SLC35F1: variants seen among roughly 807,000 people sequenced by gnomAD.
The protein encoded by SLC35F1 is solute carrier family 35 member F1, also known as chromosome 6 open reading frame 169.
A neutral mutation model predicts 48.7 loss-of-function variants in SLC35F1; 14 were observed. That is an observed-to-expected ratio of 0.29 (90% CI 0.19 to 0.45). The LOEUF (loss-of-function observed/expected upper bound fraction) is 0.45, where lower values mean the gene tolerates loss of function less well. Ranked by LOEUF, SLC35F1 falls within the 20% of genes least tolerant of loss-of-function variation. The pLI is 1.00. For synonymous variants in SLC35F1, 190 were observed against 202.2 expected (o/e 0.94, Z 0.51); for missense variants, 404 against 500.0 (o/e 0.81, Z 1.83).
At chr6:118,302,921 A>G (rs1197300789) in intron 7 of SLC35F1, among the ~76,000 whole-genome samples, 1 of 151,540 alleles carries the variant, frequency 6.6e-6, no homozygotes, top group Non-Finnish European at 1.5e-5. Flanking sequence ...AAAGGTGAAT[A>G]TTGAAGGCTA....
chr6:118,079,068 T>A (rs1351296032), intron 1 of SLC35F1, among the ~76,000 whole-genome samples: 3 of 152,128 alleles, frequency 2.0e-5, no homozygotes, highest in African/African-American at 7.2e-5. Context: ...TTGTATACAA[T>A]TTTTTTGTGT....
At chr6:117,943,816 A>T (rs1776262241) in intron 1 of SLC35F1, among the ~76,000 whole-genome samples, 1 of 152,180 alleles carries the variant, frequency 6.6e-6, no homozygotes, top group African/African-American at 2.4e-5. Flanking sequence ...AAAGCTTTAC[A>T]TCACTTTTTA....
intron 1 of SLC35F1, among the ~76,000 whole-genome samples, chr6:118,102,928 G>T (rs554894794): frequency 6.6e-6 from 1 of 152,182 alleles, no homozygotes; most frequent in Non-Finnish European, 1.5e-5. Flanking sequence ...ATCTAGATTT[G>T]CACCCGTGTT....
At chr6:118,112,923 G>A (rs9320641) in intron 1 of SLC35F1, among the ~76,000 whole-genome samples, 31,208 of 151,864 alleles carry the variant, frequency 0.21, 3,405 homozygotes, top group East Asian at 0.33. Context: ...ATTAAAAGAT[G>A]GAGACTGTCA....
At chr6:118,186,897 G>C (rs1365429199) in intron 2 of SLC35F1, among the ~76,000 whole-genome samples, 1 of 152,092 alleles carries the variant, frequency 6.6e-6, no homozygotes, top group African/African-American at 2.4e-5. Flanking sequence ...AGCTTCCCAG[G>C]GTTTTGGGTT....
intron 1 of SLC35F1, among the ~76,000 whole-genome samples, chr6:118,135,033 C>T (rs529269937): frequency 6.6e-6 from 1 of 152,284 alleles, no homozygotes; most frequent in East Asian, 1.9e-4. Flanking sequence ...AAACAGAATT[C>T]AAGAACAAGG....
chr6:118,006,385 G>A (rs2114872403), intron 1 of SLC35F1, among the ~76,000 whole-genome samples: 1 of 152,266 alleles, frequency 6.6e-6, no homozygotes, highest in Admixed American at 6.5e-5. Flanking sequence ...GGGAAGCCAA[G>A]GGGAGAGGAT....
At chr6:118,195,092 G>A (rs994480864) in intron 2 of SLC35F1, among the ~76,000 whole-genome samples, 12 of 152,114 alleles carry the variant, frequency 7.9e-5, no homozygotes, top group African/African-American at 1.7e-4. Flanking sequence ...ACTTGCCCCC[G>A]GTTGGGCCTT....
chr6:118,017,388 T>C (rs1171686381), intron 1 of SLC35F1, among the ~76,000 whole-genome samples: 5 of 152,366 alleles, frequency 3.3e-5, no homozygotes, highest in African/African-American at 1.2e-4. Flanking sequence ...CCAAGGTGGC[T>C]GCTCAATAGG....
At chr6:118,141,554 G>A (rs1015314705) in intron 1 of SLC35F1, among the ~76,000 whole-genome samples, 1 of 152,092 alleles carries the variant, frequency 6.6e-6, no homozygotes, top group Non-Finnish European at 1.5e-5. Context: ...GGATGGTCAG[G>A]TTCCTGTGAG....
intron 1 of SLC35F1, among the ~76,000 whole-genome samples, chr6:118,005,659 A>G (rs1291375829): frequency 6.6e-6 from 1 of 152,140 alleles, no homozygotes; most frequent in African/African-American, 2.4e-5. Flanking sequence ...AGCATCAGAA[A>G]CTTTTAGCAG....
At chr6:117,954,423 A>AT (rs1776401505) in intron 1 of SLC35F1, among the ~76,000 whole-genome samples, 1 of 151,754 alleles carries the variant, frequency 6.6e-6, no homozygotes, top group African/African-American at 2.4e-5. Context: ...GCCTGGCTAA[A>AT]TTTTTTTGTA....
At chr6:118,162,593 G>A (rs987422855) in intron 2 of SLC35F1, among the ~76,000 whole-genome samples, 12 of 152,302 alleles carry the variant, frequency 7.9e-5, no homozygotes, top group Middle Eastern at 3.4e-3. Flanking sequence ...TAACTCGGCC[G>A]TTACCATGAT....
At chr6:118,106,027 G>A (rs1451296930) in intron 1 of SLC35F1, among the ~76,000 whole-genome samples, 2 of 152,108 alleles carry the variant, frequency 1.3e-5, no homozygotes, top group South Asian at 2.1e-4. Context: ...TTATCCCTCT[G>A]TACCTGCCTC....
intron 1 of SLC35F1, among the ~76,000 whole-genome samples, chr6:118,054,145 C>T (rs1195562777): frequency 6.6e-6 from 1 of 152,054 alleles, no homozygotes; most frequent in Non-Finnish European, 1.5e-5. Context: ...TACATTAATT[C>T]ATTTATCTTT....
intron 1 of SLC35F1, among the ~76,000 whole-genome samples, chr6:118,132,113 A>G (rs1249664735): frequency 6.6e-6 from 1 of 152,150 alleles, no homozygotes; most frequent in Non-Finnish European, 1.5e-5. Context: ...CAAGAAACCG[A>G]AGCAGATAGT....
intron 1 of SLC35F1, among the ~76,000 whole-genome samples, chr6:118,049,363 T>C (rs1327693215): frequency 1.3e-5 from 2 of 151,856 alleles, no homozygotes; most frequent in East Asian, 1.9e-4. Flanking sequence ...AATTGACAAA[T>C]GGGATCTAAT....
chr6:118,205,361 C>G (rs780716933), intron 2 of SLC35F1, among the ~76,000 whole-genome samples: 7 of 152,208 alleles, frequency 4.6e-5, no homozygotes, highest in African/African-American at 1.7e-4. Flanking sequence ...ATGGCCACTA[C>G]GCACATCTAT....
intron 2 of SLC35F1, among the ~76,000 whole-genome samples, chr6:118,175,832 A>T (rs181119145): frequency 2.0e-5 from 3 of 152,254 alleles, no homozygotes; most frequent in African/African-American, 7.2e-5. Flanking sequence ...CCACTTGAGA[A>T]AGTATCCGTA....
Sources: gnomAD v4.1 joint callset for allele counts (sites outside exome capture counted in the v4.1 genomes callset) on GRCh38, gnomAD v4.1.1 for gene constraint, MANE v1.5 for transcripts, NCBI Gene and HGNC (gene_info 2026-07-23, HGNC 2026-07-21) for gene names.